Variants in DGAT2 observed in about 807,000 individuals in gnomAD.
DGAT2 encodes the protein acyl-CoA retinol O-fatty-acyltransferase.
Under a neutral mutation model 48.4 loss-of-function variants are expected in DGAT2, and 33 were observed. The observed-to-expected ratio is 0.68, with a 90% confidence interval of 0.52 to 0.91. The LOEUF is 0.91. Among genes scored for constraint, DGAT2 ranks in the 40% least tolerant of loss-of-function variants. The pLI is 0.00. For missense variants in DGAT2, 446 were observed against 493.7 expected (o/e 0.90, Z 0.92); for synonymous variants, 191 against 194.1 (o/e 0.98, Z 0.13).
chr11:75,790,711 C>T lies in DGAT2; in HGVS notation c.409C>T (p.Arg137Ter), dbSNP rs572486802. ...AAACTGGGCTGTGTGGCGCTACTTT[C>T]GAGACTACTTTCCCATCCAGGTAAA... ...VRNWAVWRYF[R>*]DYFPIQLVKT... is the part of the protein sequence containing the mutation. The change falls in exon 4 of 8, where the codon CGA (arginine) becomes TGA (stop). Residue 137 changes from arginine to a stop codon, truncating the protein, a stop_gained. Coordinates refer to ENST00000228027, the MANE Select transcript of DGAT2 (RefSeq NM_032564.5). LOFTEE classifies it high-confidence loss of function. 9.9e-6 allele frequency: 16 copies of T among 1,614,124 alleles called. No individual in the cohort carries two copies. Among genetic ancestry groups the T allele is most frequent in the African/African-American group, 6.7e-5 (5 of 75,008 alleles).
At chr11:75,799,912 CT>C (rs1481735206) in intron 7 of DGAT2, among the ~76,000 whole-genome samples, 5 of 152,166 alleles carry the variant, frequency 3.3e-5, no homozygotes, top group South Asian at 4.1e-4. Context: ...GCCACCACTC[CT>C]GGCCTACACT....
In DGAT2 at chr11:75,790,749, T is replaced by C. The variant is rs775715497; in HGVS notation, c.429+18T>C. On this transcript the variant is annotated intron_variant, in intron 4 of 7. Transcript: ENST00000228027. ...CCATCCAGGTAAAGTGCTGTGAGTG[T>C]TGTTTTGGGAGGGTGGGAATGGATG... 6.2e-7 allele frequency: 1 copy of C among 1,613,764 alleles called. No homozygotes were observed.
intron 1 of DGAT2, among the ~76,000 whole-genome samples, chr11:75,778,949 T>C (rs751168969): frequency 1.3e-5 from 2 of 151,412 alleles, no homozygotes; most frequent in African/African-American, 2.4e-5. Flanking sequence ...TTGCCCGAGG[T>C]CACAGAGCCA....
At chr11:75,796,987 C>T (rs1399833054) in intron 5 of DGAT2, 171 bp from the exon 6 acceptor site, 1 of 592,284 alleles carries the variant, frequency 1.7e-6, no homozygotes, top group African/African-American at 1.9e-5. Context: ...GATGAGGAAA[C>T]TGAGGCTCAG....
chr11:75,773,962 G>A (rs976530021), intron 1 of DGAT2: 1 of 152,320 alleles, frequency 6.6e-6, no homozygotes, highest in Non-Finnish European at 1.5e-5. Flanking sequence ...ATAGAGGCAT[G>A]AGATTTGGAT....
In DGAT2 at chr11:75,790,684, C is replaced by A. The variant is rs765829063; in HGVS notation, c.382C>A (p.Arg128=). ...AGGTGGCAGGAGGTCACAGTGGGTC[C>A]GAAACTGGGCTGTGTGGCGCTACTT... ...KKGGRRSQWV[R]NWAVWRYFRD... is the part of the protein sequence containing the mutation. Residue 128 remains arginine (R), a synonymous_variant, in exon 4 of 8, where the codon CGA becomes AGA. Transcript: ENST00000228027. 6.2e-7 allele frequency: 1 copy of A among 1,614,056 alleles called. No homozygotes were observed. Among genetic ancestry groups the A allele is most frequent in the East Asian group, 2.2e-5 (1 of 44,878 alleles).
Position 75,772,706 on chromosome 11 carries a change from G to A in DGAT2, c.121+3594G>A, listed in dbSNP as rs77312471. ...CAGTAAGAATATCAGTCCCTTTGCC[G>A]GCCGCGTGCCATGGCTTTCGCCTGT... On this transcript the variant is annotated intron_variant, in intron 1 of 7. Transcript: ENST00000228027. Among the ~76,000 whole-genome samples the A allele has an allele frequency of 7.2e-3, 1,094 of 152,240 alleles. 13 individuals carry two copies. The highest frequency in any genetic ancestry group is 0.025 in the African/African-American group (1,046 of 41,524).
intron 6 of DGAT2, among the ~76,000 whole-genome samples, chr11:75,797,821 G>A (rs370275459): frequency 2.6e-5 from 4 of 152,194 alleles, no homozygotes; most frequent in East Asian, 3.9e-4. Flanking sequence ...CAAGGGTGGG[G>A]GAGGGTAGAG....
In DGAT2 at chr11:75,798,247, A is replaced by G. The variant is rs756689196; in HGVS notation, c.830A>G (p.Tyr277Cys). The G allele has an allele frequency of 1.2e-6, 2 of 1,613,870 alleles. No homozygotes were observed. Among genetic ancestry groups the G allele is most frequent in the Admixed American group, 1.7e-5 (1 of 60,000 alleles). Residue 277 changes from tyrosine to cysteine, a missense_variant, in exon 7 of 8, where the codon TAC becomes TGC. Transcript: ENST00000228027. Reference protein sequence around the residue: ...LRHGADLVPIYSFGENEVYKQ... With the variant: ...LRHGADLVPICSFGENEVYKQ... ...TCCAGAGCTGACCTGGTTCCCATCTACTCCTTTGGAGAGAATGAAGTGTAC... is the reference window on the plus strand; with the variant it reads ...TCCAGAGCTGACCTGGTTCCCATCTGCTCCTTTGGAGAGAATGAAGTGTAC...
rs1275232010 is a variant in DGAT2, at chr11:75,801,017, T to C, written c.*509T>C. On this transcript the variant is annotated 3_prime_UTR_variant, in exon 8 of 8. Coordinates refer to ENST00000228027, the MANE Select transcript of DGAT2 (RefSeq NM_032564.5). ...TGAGGGCAGTAGTAGGCATCTGGAA[T>C]GCTCCAGTTTGATCTCCCTTCTGCC... 6.2e-6 allele frequency: 1 copy of C among 160,160 alleles called. No individual in the cohort carries two copies. The highest frequency in any genetic ancestry group is 2.4e-5 in the African/African-American group (1 of 41,454). The allele number at this position is 160,160 out of a possible 1,614,324, so 9.9% of individuals were successfully genotyped here.
At chr11:75,773,137 A>G (rs112804748) in intron 1 of DGAT2, among the ~76,000 whole-genome samples, 143 of 152,356 alleles carry the variant, frequency 9.4e-4, no homozygotes, top group African/African-American at 3.4e-3. Context: ...CGAAGGAATC[A>G]TTAGTGGGAC....
At chr11:75,783,944 T>G (rs2135767765) in intron 1 of DGAT2, among the ~76,000 whole-genome samples, 1 of 152,206 alleles carries the variant, frequency 6.6e-6, no homozygotes, top group Middle Eastern at 3.4e-3. Flanking sequence ...ACTGGGCCCT[T>G]TGGGGAAGCA....
intron 2 of DGAT2, among the ~76,000 whole-genome samples, chr11:75,785,115 C>T (rs1212011837): frequency 6.6e-6 from 1 of 152,184 alleles, no homozygotes; most frequent in Non-Finnish European, 1.5e-5. Context: ...AGACATTTTC[C>T]AGCAGGTATG....
intron 6 of DGAT2, among the ~76,000 whole-genome samples, chr11:75,797,919 A>G (rs1167263901): frequency 6.6e-6 from 1 of 152,196 alleles, no homozygotes; most frequent in African/African-American, 2.4e-5. Context: ...GGAGGGACCA[A>G]GAGAACTTCC....
At chr11:75,789,820 C>G (rs372639997) in intron 2 of DGAT2, among the ~76,000 whole-genome samples, 42 of 152,294 alleles carry the variant, frequency 2.8e-4, no homozygotes, top group African/African-American at 8.4e-4. Context: ...GTTCCCTCCC[C>G]TTATCCACAG....
rs1430167982 is a variant in DGAT2 at position 75,800,344 on chromosome 11, G to A, written c.1013-10G>A. The A allele has an allele frequency of 1.9e-6, 3 of 1,613,772 alleles. No individual in the cohort carries two copies. The highest frequency in any genetic ancestry group is 2.5e-6 in the Non-Finnish European group (3 of 1,179,882). On this transcript the variant is annotated splice_polypyrimidine_tract_variant and intron_variant, in intron 7 of 7. Transcript: ENST00000228027. ...TTGACTAACCAGAAGCCTCTGCCCT[G>A]TCCCTGCAGTGGGAGAGCCCATCAC...
chr11:75,799,620 T>A (rs573311362), intron 7 of DGAT2, among the ~76,000 whole-genome samples: 7 of 152,064 alleles, frequency 4.6e-5, no homozygotes, highest in African/African-American at 1.4e-4. Context: ...TATTTTTTTT[T>A]TTTTTATTTT....
intron 1 of DGAT2, among the ~76,000 whole-genome samples, chr11:75,774,853 G>A (rs2135758260): frequency 6.6e-6 from 1 of 152,310 alleles, no homozygotes; most frequent in Middle Eastern, 3.4e-3. Context: ...TTCCACTGCA[G>A]TAGCTACTTT....
chr11:75,790,396 C>T, intron 3 of DGAT2, 101 bp downstream of exon 3: 2 of 1,066,132 alleles, frequency 1.9e-6, no homozygotes, highest in Non-Finnish European at 2.9e-6. Flanking sequence ...CTTTTAACAC[C>T]CACTTTGTGA....
Sources: allele counts gnomAD v4.1 joint callset (sites outside exome capture counted in the v4.1 genomes callset), GRCh38; gene constraint gnomAD v4.1.1; transcripts MANE v1.5; gene names NCBI Gene and HGNC (gene_info 2026-07-23, HGNC 2026-07-21).